SMAD4: variants seen among roughly 807,000 people sequenced by gnomAD.
SMAD4 encodes MAD homolog 4.
In SMAD4, 7 loss-of-function variants were observed where a neutral mutation model predicts 63.2. The ratio of observed to expected loss-of-function variants is 0.11; its 90% CI spans 0.06 to 0.21. SMAD4 has a LOEUF of 0.21. Among genes scored for constraint, SMAD4 ranks in the 10% least tolerant of loss-of-function variants. The probability of loss-of-function intolerance (pLI) is 1.00; values close to 1 mark genes in which losing one functional copy is unlikely to be tolerated. For synonymous variants in SMAD4, 215 were observed against 235.4 expected, an observed-to-expected ratio of 0.91 and a Z score of 0.79; for missense variants, 312 against 693.8, an observed-to-expected ratio of 0.45 and a Z score of 6.18.
At chr18:51,038,395 G>A (rs1909274635) in intron 1 of SMAD4, among the ~76,000 whole-genome samples, 1 of 152,100 alleles carries the variant, frequency 6.6e-6, no homozygotes, top group Non-Finnish European at 1.5e-5. Flanking sequence ...ATAGACAAAT[G>A]GATTTTTATA....
intron 5 of SMAD4, 145 bp from the exon 6 acceptor site, chr18:51,057,980 T>C: frequency 1.1e-6 from 1 of 911,472 alleles, no homozygotes; most frequent in South Asian, 1.5e-5. Context: ...GTAGGTTTTT[T>C]ACCTGATAGG....
intron 4 of SMAD4, among the ~76,000 whole-genome samples, chr18:51,050,778 A>AC (rs1055887530): frequency 5.3e-5 from 8 of 151,744 alleles, no homozygotes; most frequent in African/African-American, 1.9e-4. Context: ...GGTCAGAAAT[A>AC]CTAGGTGACC....
intron 7 of SMAD4, 96 bp downstream of exon 7, chr18:51,058,552 A>G (rs751889892): frequency 1.5e-5 from 12 of 823,858 alleles, no homozygotes; most frequent in Non-Finnish European, 2.2e-5. Flanking sequence ...TCTTTTATTC[A>G]TCCTGTGATT....
chr18:51,069,273 C>T (rs1018934207), intron 10 of SMAD4, among the ~76,000 whole-genome samples: 5 of 152,064 alleles, frequency 3.3e-5, no homozygotes, highest in South Asian at 2.1e-4. Context: ...TGTGCCACCA[C>T]GCCTGGCTAA....
At chr18:51,073,439 C>T (rs1910387068) in intron 10 of SMAD4, among the ~76,000 whole-genome samples, 1 of 122,676 alleles carries the variant, frequency 8.2e-6, no homozygotes, top group African/African-American at 3.2e-5. Context: ...ACACACCATA[C>T]TTGGTTAGTG....
intron 9 of SMAD4, among the ~76,000 whole-genome samples, chr18:51,065,972 T>TA (rs1910139010): frequency 2.6e-5 from 4 of 152,284 alleles, no homozygotes; most frequent in South Asian, 2.1e-4. Context: ...CTTATAATGT[T>TA]AAAAAAATTG....
intron 4 of SMAD4, among the ~76,000 whole-genome samples, chr18:51,051,976 T>C (rs531178781): frequency 6.6e-6 from 1 of 152,042 alleles, no homozygotes; most frequent in South Asian, 2.1e-4. Context: ...CCAGCATTTT[T>C]TTTTGTTTGT....
Position 51,084,624 on chromosome 18 carries a change from GGATT to G in SMAD4, c.*6162_*6165del, listed in dbSNP as rs886053936. The G allele has an allele frequency of 6.3e-4, 146 of 230,122 alleles. No homozygotes were observed. The Middle Eastern group carries it at 6.5e-3, about 10-fold the overall frequency. The allele number at this position is 230,122 out of a possible 1,614,324, so 14.3% of individuals were successfully genotyped here. ...CATTGATAGAAGGACTCACGGGCTT[GGATT>G]GATTAAGACTAAACATGGAGTTGGC... On this transcript the variant is annotated 3_prime_UTR_variant, in exon 12 of 12. Coordinates refer to ENST00000342988, the MANE Select transcript of SMAD4 (RefSeq NM_005359.6).
intron 4 of SMAD4, among the ~76,000 whole-genome samples, chr18:51,051,806 AT>A (rs924453713): frequency 1.5e-4 from 22 of 148,410 alleles, no homozygotes; most frequent in African/African-American, 3.7e-4. Flanking sequence ...CTCTTAGAAC[AT>A]TTTTTTTTTC....
In SMAD4 at chr18:51,078,582, G is replaced by T. The variant is rs886926721; in HGVS notation, c.*115G>T. ...TGTTCTGCTTTATCTTTTCATAAAG[G>T]GTTGAAAATGTGTTTGCTGCCTTGC... is the stretch of plus-strand genomic sequence containing the variant. On this transcript the variant is annotated 3_prime_UTR_variant, in exon 12 of 12. Transcript: ENST00000342988. 8 of 807,364 alleles carry T rather than the reference G, an allele frequency of 9.9e-6. No individual in the cohort carries two copies. The highest frequency in any genetic ancestry group is 1.7e-5 in the African/African-American group (1 of 58,308). 50.0% of individuals were successfully genotyped at this position (807,364 alleles called of 1,614,324 possible).
chr18:51,079,146 G>A lies in SMAD4; in HGVS notation c.*679G>A, dbSNP rs1910544794. On this transcript the variant is annotated 3_prime_UTR_variant, in exon 12 of 12. Transcript: ENST00000342988. ...TATTGAGAATCCCTTAAAATTACCAGACAAAAAAATTTAAAATTACGTTTG... is the reference window on the plus strand; with the variant it reads ...TATTGAGAATCCCTTAAAATTACCAAACAAAAAAATTTAAAATTACGTTTG... 1 of 232,840 alleles carries A rather than the reference G, an allele frequency of 4.3e-6. No homozygotes were observed. The highest frequency in any genetic ancestry group is 8.5e-6 in the Non-Finnish European group (1 of 117,856). 14.4% of individuals were successfully genotyped at this position (232,840 alleles called of 1,614,324 possible).
chr18:51,048,614 G>A lies in SMAD4; in HGVS notation c.250-72G>A, dbSNP rs1422432947. On this transcript the variant is annotated intron_variant, in intron 2 of 11. Coordinates refer to ENST00000342988, the MANE Select transcript of SMAD4 (RefSeq NM_005359.6). ...TAATACTGAGTTGGTAGGATTGTGAGGATTAAATCAGAATATATAAAAGTG... is the reference window on the plus strand; with the variant it reads ...TAATACTGAGTTGGTAGGATTGTGAAGATTAAATCAGAATATATAAAAGTG... 1.1e-5 allele frequency: 14 copies of A among 1,331,564 alleles called. No individual in the cohort carries two copies. In the Middle Eastern group the frequency reaches 7.1e-4, roughly 68 times the overall value. The allele number at this position is 1,331,564 out of a possible 1,614,324, so 82.5% of individuals were successfully genotyped here. A position where few individuals can be genotyped will look rare whatever the true frequency, so the allele number is the denominator to read the frequency against.
At position 51,054,913 on chromosome 18, in the gene SMAD4, G is replaced by T. The variant is rs2144419047; in HGVS notation, c.587G>T (p.Ser196Ile). Residue 196 changes from serine (S) to isoleucine (I), a missense_variant, in exon 5 of 12, where the codon AGC becomes ATC. Ser to Ile is a moderately radical substitution (Grantham distance 142). This residue lies in a region of SMAD4 where 169 missense variants were observed against 211.0 expected (regional missense o/e 0.80). Coordinates refer to ENST00000342988, the MANE Select transcript of SMAD4 (RefSeq NM_005359.6). ...AATCGTGCATCGACAGAGACATACAGCACCCCAGCTCTGTTAGCCCCATCT... is the reference window on the plus strand; with the variant it reads ...AATCGTGCATCGACAGAGACATACATCACCCCAGCTCTGTTAGCCCCATCT... Reference protein sequence around the residue: ...PSNRASTETYSTPALLAPSES... With the variant: ...PSNRASTETYITPALLAPSES... 1 of 1,614,090 alleles carries T rather than the reference G, an allele frequency of 6.2e-7. No individual in the cohort carries two copies. The highest frequency in any genetic ancestry group is 1.7e-5 in the Admixed American group (1 of 60,028).
In SMAD4 at chr18:51,084,525, T is replaced by C; in HGVS notation, c.*6058T>C. Reference sequence around the variant, plus strand: ...GGGTTGAGGGTGGGGGGTTGGGGAGTCCTGGTAGAGGCCAGCTTTGTGGTA... The same window carrying C: ...GGGTTGAGGGTGGGGGGTTGGGGAGCCCTGGTAGAGGCCAGCTTTGTGGTA... On this transcript the variant is annotated 3_prime_UTR_variant, in exon 12 of 12. Transcript: ENST00000342988. 1 of 225,710 alleles carries C rather than the reference T, an allele frequency of 4.4e-6. No individual in the cohort carries two copies. Among genetic ancestry groups the C allele is most frequent in the East Asian group, 6.3e-5 (1 of 15,888 alleles). The allele number at this position is 225,710 out of a possible 1,614,324, so 14.0% of individuals were successfully genotyped here.
At position 51,083,965 on chromosome 18, in the gene SMAD4, C is replaced by T. The variant is rs1013511266; in HGVS notation, c.*5498C>T. 3.0e-5 allele frequency: 7 copies of T among 230,586 alleles called. No individual in the cohort carries two copies. The highest frequency in any genetic ancestry group is 1.3e-4 in the African/African-American group (6 of 45,062). 14.3% of individuals were successfully genotyped at this position (230,586 alleles called of 1,614,324 possible). ...AATTTTAACCAAAGGCCTAGCACCA[C>T]CTTAGGGGCTGCAATAAACACTTAA... On this transcript the variant is annotated 3_prime_UTR_variant, in exon 12 of 12. Transcript: ENST00000342988.
chr18:51,072,191 C>T (rs1447056448), intron 10 of SMAD4, among the ~76,000 whole-genome samples: 3 of 152,206 alleles, frequency 2.0e-5, no homozygotes, highest in Non-Finnish European at 4.4e-5. Context: ...AAAATGGCTG[C>T]ACCACTTTAC....
intron 11 of SMAD4, among the ~76,000 whole-genome samples, chr18:51,077,930 A>G (rs1297173655): frequency 6.6e-6 from 1 of 152,230 alleles, no homozygotes; most frequent in African/African-American, 2.4e-5. Context: ...GTGGACACGC[A>G]CTACCTCTTA....
In SMAD4 at chr18:51,079,272, C is replaced by G. The variant is rs1910547914; in HGVS notation, c.*805C>G. 1 of 233,146 alleles carries G rather than the reference C, an allele frequency of 4.3e-6. No homozygotes were observed. Among genetic ancestry groups the G allele is most frequent in the Non-Finnish European group, 8.5e-6 (1 of 117,888 alleles). 14.4% of individuals were successfully genotyped at this position (233,146 alleles called of 1,614,324 possible). On this transcript the variant is annotated 3_prime_UTR_variant, in exon 12 of 12. Transcript: ENST00000342988. ...AGGCACAAGGTTGGTTGCTAAGAAG[C>G]CTATAAGAGGAATTTCTTTTCCTTC...
intron 9 of SMAD4, among the ~76,000 whole-genome samples, chr18:51,065,898 A>C (rs749817289): frequency 3.3e-5 from 5 of 152,222 alleles, no homozygotes; most frequent in Non-Finnish European, 2.9e-5. Context: ...TTCTGTGATC[A>C]TACATTTCTA....
Sources: gnomAD v4.1 joint callset for allele counts (sites outside exome capture counted in the v4.1 genomes callset) on GRCh38, gnomAD v4.1.1 for gene constraint, gnomAD v4.1.1 regional missense constraint, MANE v1.5 for transcripts, NCBI Gene and HGNC (gene_info 2026-07-23, HGNC 2026-07-21) for gene names.